FGGY: variants seen among roughly 807,000 people sequenced by gnomAD.
FGGY encodes the protein FGGY carbohydrate kinase domain containing, also known as FGGY carbohydrate kinase domain-containing protein.
FGGY carries 72 observed loss-of-function variants against 71.3 expected under a neutral mutation model. The ratio of observed to expected loss-of-function variants is 1.01; its 90% CI spans 0.84 to 1.23. The LOEUF (loss-of-function observed/expected upper bound fraction) is 1.23. Ranked by LOEUF, FGGY falls within the 50% of genes most tolerant of loss-of-function variation. The probability of loss-of-function intolerance (pLI) is 0.00; values close to 1 mark genes in which losing one functional copy is unlikely to be tolerated. For synonymous variants in FGGY, 251 were observed against 250.3 expected, an observed-to-expected ratio of 1.00 and a Z score of -0.02; for missense variants, 668 against 682.3, an observed-to-expected ratio of 0.98 and a Z score of 0.23.
intron 8 of FGGY, among the ~76,000 whole-genome samples, chr1:59,555,182 A>G (rs2095665926): frequency 6.6e-6 from 1 of 152,228 alleles, no homozygotes; most frequent in East Asian, 1.9e-4. Flanking sequence ...GTGGGATGAG[A>G]TGAAGTTATA....
intron 7 of FGGY, among the ~76,000 whole-genome samples, chr1:59,514,422 T>C (rs911534647): frequency 6.6e-6 from 1 of 152,224 alleles, no homozygotes; most frequent in Non-Finnish European, 1.5e-5. Context: ...CACTATGTCC[T>C]CCAGGAGGGG....
chr1:59,496,630 C>T (rs564054915), intron 6 of FGGY, among the ~76,000 whole-genome samples: 17 of 152,066 alleles, frequency 1.1e-4, no homozygotes, highest in East Asian at 7.7e-4. Flanking sequence ...TAATGTGACA[C>T]GCAGTTTACC....
At chr1:59,492,091 C>G (rs1466238638) in intron 6 of FGGY, among the ~76,000 whole-genome samples, 1 of 152,276 alleles carries the variant, frequency 6.6e-6, no homozygotes, top group South Asian at 2.1e-4. Context: ...CCTTTCACTT[C>G]TGTTCCTATC....
intron 3 of FGGY, among the ~76,000 whole-genome samples, chr1:59,341,961 C>T (rs1403407171): frequency 2.0e-5 from 3 of 152,012 alleles, no homozygotes; most frequent in Non-Finnish European, 4.4e-5. Context: ...GAGCAATTGG[C>T]ACGAGTGGGG....
chr1:59,317,076 C>T (rs550334320), intron 1 of FGGY, among the ~76,000 whole-genome samples: 2 of 152,228 alleles, frequency 1.3e-5, no homozygotes, highest in African/African-American at 2.4e-5. Flanking sequence ...GAGAACCTCA[C>T]TTTCCTTAGC....
intron 5 of FGGY, among the ~76,000 whole-genome samples, chr1:59,449,285 C>T (rs2072063622): frequency 6.6e-6 from 1 of 151,892 alleles, no homozygotes; most frequent in African/African-American, 2.4e-5. Flanking sequence ...CATGCCTTAT[C>T]TATTTATTTA....
At chr1:59,397,991 A>G (rs560060525) in intron 5 of FGGY, among the ~76,000 whole-genome samples, 63 of 152,298 alleles carry the variant, frequency 4.1e-4, no homozygotes, top group Non-Finnish European at 7.6e-4. Flanking sequence ...GATATTTTCA[A>G]GAACACATCT....
At chr1:59,399,114 T>G (rs2061649245) in intron 5 of FGGY, among the ~76,000 whole-genome samples, 1 of 152,352 alleles carries the variant, frequency 6.6e-6, no homozygotes, top group South Asian at 2.1e-4. Context: ...ATAGTGGGCA[T>G]AATAGTTCCT....
intron 10 of FGGY, among the ~76,000 whole-genome samples, chr1:59,629,035 G>A (rs1379953130): frequency 1.3e-5 from 2 of 152,128 alleles, no homozygotes; most frequent in Non-Finnish European, 2.9e-5. Flanking sequence ...AAAAATTACT[G>A]TTGGGGAACA....
intron 8 of FGGY, among the ~76,000 whole-genome samples, chr1:59,564,408 G>A (rs1252300674): frequency 1.3e-5 from 2 of 152,218 alleles, no homozygotes; most frequent in Admixed American, 1.3e-4. Context: ...TTCTCTGGGT[G>A]ATGTCTATAA....
At position 59,669,836 on chromosome 1, in the gene FGGY, C is replaced by T. The variant is rs182934566; in HGVS notation, c.1417+2433C>T. Among the ~76,000 whole-genome samples the T allele has an allele frequency of 2.6e-4, 39 of 152,248 alleles. 1 individual carries two copies. In the East Asian group the frequency reaches 5.4e-3, roughly 21 times the overall value. On this transcript the variant is annotated intron_variant, in intron 13 of 15. Transcript: ENST00000303721. Reference sequence around the variant, plus strand: ...CAGAACAGCTAGCTGTGAGTGACCCCGGCACTGACTCCGCGCTGCAGCCCT... The same window carrying T: ...CAGAACAGCTAGCTGTGAGTGACCCTGGCACTGACTCCGCGCTGCAGCCCT...
chr1:59,347,805 T>C (rs1436605101), intron 4 of FGGY, among the ~76,000 whole-genome samples: 1 of 152,096 alleles, frequency 6.6e-6, no homozygotes, highest in Non-Finnish European at 1.5e-5. Context: ...AAAAATTAAT[T>C]CAAGATGGAT....
intron 6 of FGGY, among the ~76,000 whole-genome samples, chr1:59,496,661 G>T (rs892837556): frequency 6.6e-6 from 1 of 151,838 alleles, no homozygotes; most frequent in Non-Finnish European, 1.5e-5. Flanking sequence ...GCCTGCACAT[G>T]TACCCCTGAG....
At chr1:59,329,105 C>G (rs531859557) in intron 2 of FGGY, among the ~76,000 whole-genome samples, 3 of 148,756 alleles carry the variant, frequency 2.0e-5, no homozygotes, top group Admixed American at 2.0e-4. Context: ...TTGTAAAAAA[C>G]ACAATCTGCA....
intron 5 of FGGY, among the ~76,000 whole-genome samples, chr1:59,419,651 C>T (rs936463051): frequency 1.1e-4 from 16 of 152,048 alleles, no homozygotes; most frequent in Non-Finnish European, 2.1e-4. Flanking sequence ...ACTTATTCTC[C>T]GTGGCTCAGT....
intron 6 of FGGY, among the ~76,000 whole-genome samples, chr1:59,489,553 G>GT (rs1310117054): frequency 1.3e-5 from 2 of 151,910 alleles, no homozygotes; most frequent in Non-Finnish European, 2.9e-5. Flanking sequence ...GGATTTTGTT[G>GT]TTTTTTTATG....
chr1:59,355,921 G>GA (rs112237654), intron 4 of FGGY, among the ~76,000 whole-genome samples: 9 of 146,512 alleles, frequency 6.1e-5, no homozygotes, highest in East Asian at 2.0e-4. Flanking sequence ...CATGTGCTTG[G>GA]AAAAAAAAAA....
chr1:59,415,561 T>A (rs1184015777), intron 5 of FGGY, among the ~76,000 whole-genome samples: 1 of 152,214 alleles, frequency 6.6e-6, no homozygotes, highest in East Asian at 1.9e-4. Context: ...TCTTACGATG[T>A]GCCCATGGAT....
rs76901854 is a variant in FGGY, at chr1:59,309,351, T to A, written c.-14-12185T>A. On this transcript the variant is annotated intron_variant, in intron 1 of 15. Coordinates refer to ENST00000303721, the MANE Select transcript of FGGY (RefSeq NM_018291.5). ...GAACTATAAGTTTGTATTCTTTGCATTACAGGTAGAGGGAACAGTATGAAC... is the reference window on the plus strand; with the variant it reads ...GAACTATAAGTTTGTATTCTTTGCAATACAGGTAGAGGGAACAGTATGAAC... Among the ~76,000 whole-genome samples the A allele has an allele frequency of 1.3e-3, 203 of 152,340 alleles. 1 individual carries two copies. The highest frequency in any genetic ancestry group is 4.7e-3 in the African/African-American group (196 of 41,578).
Sources: gnomAD v4.1 joint callset for allele counts (sites outside exome capture counted in the v4.1 genomes callset) on GRCh38, gnomAD v4.1.1 for gene constraint, MANE v1.5 for transcripts, NCBI Gene and HGNC (gene_info 2026-07-23, HGNC 2026-07-21) for gene names.